The following KIF1B variants were observed in gnomAD, a reference collection of about 807,000 sequenced individuals.
KIF1B encodes the protein kinesin-like protein KIF1B.
In KIF1B, 76 loss-of-function variants were observed where a neutral mutation model predicts 241.9. The ratio of observed to expected loss-of-function variants is 0.31; its 90% CI spans 0.26 to 0.38. The LOEUF (loss-of-function observed/expected upper bound fraction) is 0.38, where lower values mean the gene tolerates loss of function less well. Ranked by LOEUF, KIF1B falls within the 10% of genes least tolerant of loss-of-function variation. KIF1B has a pLI of 1.00. For synonymous variants in KIF1B, 750 were observed against 796.7 expected (o/e 0.94, Z 0.99); for missense variants, 1,622 against 2,271.4 (o/e 0.71, Z 5.81).
chr1:10,365,354 C>T lies in KIF1B; in HGVS notation c.4513-55C>T, dbSNP rs536362013. On this transcript the variant is annotated intron_variant, in intron 42 of 48. Transcript: ENST00000676179. The surrounding 1 kb of genome is among the most constrained non-coding windows in gnomAD (Gnocchi z 4.0). ...TGATCATAGCTTTTCACTTTTCTCT[C>T]CTGAGGTCTTAACGAGCTTTGTGTT... The T allele has an allele frequency of 3.1e-6, 5 of 1,614,110 alleles. No individual in the cohort carries two copies. The highest frequency in any genetic ancestry group is 4.2e-6 in the Non-Finnish European group (5 of 1,179,998).
At chr1:10,231,021 G>A (rs1250666088) in intron 1 of KIF1B, 2 of 152,122 alleles carry the variant, frequency 1.3e-5, no homozygotes, top group African/African-American at 4.8e-5. Flanking sequence ...GACCAGCCTG[G>A]TTGACATGGT....
intron 2 of KIF1B, among the ~76,000 whole-genome samples, chr1:10,240,833 G>T (rs1647126787): frequency 6.7e-6 from 1 of 149,554 alleles, no homozygotes; most frequent in Non-Finnish European, 1.5e-5. Context: ...TAAAATGCTG[G>T]TATTACAAGT....
At chr1:10,322,360 T>C (rs1361594569) in intron 24 of KIF1B, among the ~76,000 whole-genome samples, 2 of 152,034 alleles carry the variant, frequency 1.3e-5, no homozygotes, top group Non-Finnish European at 2.9e-5. Context: ...GTGCCTCCAT[T>C]CCCCCATCTA....
At chr1:10,283,427 G>T (rs900973463) in intron 15 of KIF1B, among the ~76,000 whole-genome samples, 2 of 152,210 alleles carry the variant, frequency 1.3e-5, no homozygotes, top group African/African-American at 4.8e-5. Flanking sequence ...ATGGCTCCCA[G>T]CTTTGCTGTT....
intron 1 of KIF1B, among the ~76,000 whole-genome samples, chr1:10,224,088 G>A (rs556475240): frequency 2.0e-5 from 3 of 152,048 alleles, no homozygotes; most frequent in Non-Finnish European, 2.9e-5. Flanking sequence ...CAGCAGGTGT[G>A]AGTCAGAGTG....
At chr1:10,294,958 G>A in intron 17 of KIF1B, 128 bp from the exon 18 acceptor site, 1 of 742,628 alleles carries the variant, frequency 1.3e-6, no homozygotes, top group Admixed American at 1.9e-5. Context: ...CGCAACTAGG[G>A]ATAAAAAGAA....
chr1:10,337,466 T>C lies in KIF1B; in HGVS notation c.3355T>C (p.Phe1119Leu), dbSNP rs1207826798. The C allele has an allele frequency of 1.9e-6, 3 of 1,614,202 alleles. No individual in the cohort carries two copies. In the Admixed American group the frequency reaches 5.0e-5, roughly 27 times the overall value. ...NHLKLGSAFT[F>L]RVTVLQASGI... ...CCTGAAACTGGGCAGTGCCTTCACT[T>C]TCCGAGTAACAGTGTTGCAGGCCAG... The change falls in exon 31 of 49, where the codon TTC becomes CTC. Residue 1119 changes from phenylalanine (F) to leucine (L), a missense_variant. Transcript: ENST00000676179. This position sits in a 1 kb window ranked among gnomAD's most constrained non-coding sequence, Gnocchi z 4.0.
chr1:10,352,570 A>G (rs924867286), intron 37 of KIF1B, 61 bp from the exon 38 acceptor site: 3 of 1,404,924 alleles, frequency 2.1e-6, no homozygotes, highest in African/African-American at 2.8e-5. Context: ...TTTGGGCTTA[A>G]TGAATTCATG....
chr1:10,341,979 G>C (rs1347813825), intron 32 of KIF1B, 71 bp from the exon 33 acceptor site: 2 of 934,616 alleles, frequency 2.1e-6, no homozygotes, highest in Non-Finnish European at 3.4e-6. Flanking sequence ...CCCAAAATAC[G>C]TACTAAAGTT....
chr1:10,251,462 C>T (rs1279664159), intron 2 of KIF1B, among the ~76,000 whole-genome samples: 7 of 151,602 alleles, frequency 4.6e-5, no homozygotes, highest in Admixed American at 1.3e-4. Flanking sequence ...TGGCTGGGCG[C>T]GGTGGCTCAC....
rs117489759 is a variant in KIF1B, at chr1:10,345,196, A to C, written c.3689-649A>C. ...GCATATGGAATTTAAATCTGAAGAAAATGTGTGACATAAGATCATTTACAG... is the reference window on the plus strand; with the variant it reads ...GCATATGGAATTTAAATCTGAAGAACATGTGTGACATAAGATCATTTACAG... On this transcript the variant is annotated intron_variant, in intron 34 of 48. Transcript: ENST00000676179. 3.6e-4 allele frequency among the ~76,000 whole-genome samples: 55 copies of C among 152,324 alleles called. No individual in the cohort carries two copies. In the East Asian group the frequency reaches 7.5e-3, roughly 21 times the overall value.
At position 10,339,821 on chromosome 1, in the gene KIF1B, G is replaced by C. The variant is rs1194469975; in HGVS notation, c.3475G>C (p.Gly1159Arg). 1.9e-6 allele frequency: 3 copies of C among 1,613,950 alleles called. No individual in the cohort carries two copies. The African/African-American group carries it at 4.0e-5, about 22-fold the overall frequency. ...AFSTEPLKNN[G>R]RGSPLAFYHV... ...CTCCACGGAGCCCCTCAAAAACAATGGCAGAGGAAGTCCCCTGGCCTTTTA... is the reference window on the plus strand; with the variant it reads ...CTCCACGGAGCCCCTCAAAAACAATCGCAGAGGAAGTCCCCTGGCCTTTTA... The change falls in exon 32 of 49, where the codon GGC becomes CGC. Residue 1159 changes from glycine (G) to arginine (R), a missense_variant. By Grantham distance (125) the Gly-to-Arg change is moderately radical. Transcript: ENST00000676179.
chr1:10,370,992 G>T, intron 44 of KIF1B, 149 bp from the exon 45 acceptor site: 1 of 905,796 alleles, frequency 1.1e-6, no homozygotes, highest in Non-Finnish European at 1.7e-6. Flanking sequence ...TTTATTTATT[G>T]ATAAATTATG....
Position 10,303,501 on chromosome 1 carries a change from C to A in KIF1B, c.2115+6255C>A. The A allele has an allele frequency of 6.2e-7, 1 of 1,614,140 alleles. No homozygotes were observed. Among genetic ancestry groups the A allele is most frequent in the South Asian group, 1.1e-5 (1 of 91,088 alleles). The stretch of plus-strand genomic sequence containing the variant: ...TTGTCAAGATGAAGGAGCTTTGTGC[C>A]ATGTATGGCAAGAAAGACCCCAATG... On this transcript the variant is annotated intron_variant, in intron 22 of 48. Transcript: ENST00000676179. This position sits in a 1 kb window ranked among gnomAD's most constrained non-coding sequence, Gnocchi z 5.2.
intron 13 of KIF1B, chr1:10,278,780 A>G (rs141221636): frequency 1.4e-3 from 407 of 282,000 alleles, no homozygotes; most frequent in African/African-American, 8.3e-3. Flanking sequence ...AAGTTCTCTT[A>G]AGTGAGTAAA....
chr1:10,263,356 C>CG (rs1002892512), intron 5 of KIF1B, among the ~76,000 whole-genome samples: 6 of 152,016 alleles, frequency 3.9e-5, no homozygotes, highest in African/African-American at 1.4e-4. Flanking sequence ...CCGCCACCCC[C>CG]CCACCACACC....
intron 15 of KIF1B, among the ~76,000 whole-genome samples, chr1:10,285,357 A>G (rs2102237845): frequency 6.6e-6 from 1 of 152,332 alleles, no homozygotes. Flanking sequence ...ATTGAAAATA[A>G]TGTCACATGT....
chr1:10,336,931 A>G (rs2102315534), intron 29 of KIF1B, 143 bp from the exon 30 acceptor site: 1 of 1,189,234 alleles, frequency 8.4e-7, no homozygotes, highest in Non-Finnish European at 1.2e-6. Flanking sequence ...TATTTTATTC[A>G]TTGCCTTTCC....
At chr1:10,229,867 C>CAAAAAAAAAAAAA (rs58923572) in intron 1 of KIF1B, among the ~76,000 whole-genome samples, 14 of 56,468 alleles carry the variant, frequency 2.5e-4, no homozygotes, top group African/African-American at 1.2e-3. Context: ...GACTCCGTCT[C>CAAAAAAAAAAAAA]AAAAAAAAAA....
Sources: gnomAD v4.1 joint callset for allele counts (sites outside exome capture counted in the v4.1 genomes callset) on GRCh38, gnomAD v4.1.1 for gene constraint, Gnocchi (gnomAD v3.1) non-coding constraint, MANE v1.5 for transcripts, NCBI Gene and HGNC (gene_info 2026-07-23, HGNC 2026-07-21) for gene names.